MTPN: variants seen among roughly 807,000 people sequenced by gnomAD.
MTPN encodes the protein granule cell differentiation protein.
Under a neutral mutation model 13.5 loss-of-function variants are expected in MTPN, and 2 were observed. The observed-to-expected ratio is 0.15, with a 90% CI of 0.06 to 0.47. The LOEUF (loss-of-function observed/expected upper bound fraction) is 0.47. Among genes scored for constraint, MTPN ranks in the 20% least tolerant of loss-of-function variants. MTPN has a pLI of 0.97. For missense variants in MTPN, 79 were observed against 137.9 expected (o/e 0.57, Z 2.14); for synonymous variants, 46 against 51.7 (o/e 0.89, Z 0.48).
intron 3 of MTPN, among the ~76,000 whole-genome samples, chr7:135,944,401 C>T (rs376719756): frequency 2.0e-5 from 3 of 152,002 alleles, no homozygotes; most frequent in South Asian, 2.1e-4. Context: ...TGAGGCCAGG[C>T]GTGGTGGCTC....
In MTPN at chr7:135,972,213, GCACA is replaced by G. The variant is rs1246957773; in HGVS notation, c.72+4812_72+4815del. 3.0e-3 allele frequency among the ~76,000 whole-genome samples: 256 copies of G among 86,474 alleles called. 2 individuals carry two copies. The highest frequency in any genetic ancestry group is 0.011 in the South Asian group (24 of 2,216). The allele number at this position is 86,474 out of a possible 152,430, so 56.7% of individuals were successfully genotyped here. ...CTGATATGGTTATAAATACACACGC[GCACA>G]CGCGCACGCGCGCGCACACACACAC... On this transcript the variant is annotated intron_variant, in intron 1 of 3. Coordinates refer to ENST00000393085, the MANE Select transcript of MTPN (RefSeq NM_145808.4).
chr7:135,975,667 G>A (rs908160969), intron 1 of MTPN, among the ~76,000 whole-genome samples: 8 of 152,140 alleles, frequency 5.3e-5, no homozygotes, highest in African/African-American at 1.9e-4. Context: ...CCAGAGTATT[G>A]CAGTGTCCCA....
chr7:135,928,246 G>T lies in MTPN; in HGVS notation c.*1680C>A, dbSNP rs928345641. On this transcript the variant is annotated 3_prime_UTR_variant, in exon 4 of 4. Coordinates refer to ENST00000393085, the MANE Select transcript of MTPN (RefSeq NM_145808.4). ...GGAAAATTACAGGGTTAGGCTAGTT[G>T]TAAGTGAAAAAGCCACAGGATTAAA... The T allele has an allele frequency of 1.2e-5, 2 of 167,060 alleles. No individual in the cohort carries two copies. The highest frequency in any genetic ancestry group is 2.9e-5 in the Non-Finnish European group (2 of 68,286). The allele number at this position is 167,060 out of a possible 1,614,324, so 10.3% of individuals were successfully genotyped here.
Position 135,927,667 on chromosome 7 carries a change from T to C in MTPN, c.*2259A>G, listed in dbSNP as rs1798943064. On this transcript the variant is annotated 3_prime_UTR_variant, in exon 4 of 4. Coordinates refer to ENST00000393085, the MANE Select transcript of MTPN (RefSeq NM_145808.4). ...ATAACCTAGTTAAAAAAAGAAACTG[T>C]GAACCATCTTGGTCAGTCTATTCTA... 1 of 592,840 alleles carries C rather than the reference T, an allele frequency of 1.7e-6. No individual in the cohort carries two copies. Among genetic ancestry groups the C allele is most frequent in the Non-Finnish European group, 3.2e-6 (1 of 308,664 alleles). The allele number at this position is 592,840 out of a possible 1,614,324, so 36.7% of individuals were successfully genotyped here.
chr7:135,935,763 A>C (rs1300943606), intron 3 of MTPN, among the ~76,000 whole-genome samples: 1 of 152,190 alleles, frequency 6.6e-6, no homozygotes, highest in Non-Finnish European at 1.5e-5. Context: ...GGCTACGCCA[A>C]ACAACGTACT....
At chr7:135,976,655 G>A (rs1799776622) in intron 1 of MTPN, among the ~76,000 whole-genome samples, 1 of 152,028 alleles carries the variant, frequency 6.6e-6, no homozygotes, top group Non-Finnish European at 1.5e-5. Context: ...GTCCAAGATG[G>A]AGAATTACCT....
chr7:135,945,556 A>G (rs1799277111), intron 3 of MTPN, among the ~76,000 whole-genome samples: 1 of 152,296 alleles, frequency 6.6e-6, no homozygotes, highest in East Asian at 1.9e-4. Context: ...CAGGGTCAGG[A>G]TCATCAATAT....
Position 135,927,530 on chromosome 7 carries a change from C to T in MTPN, c.*2396G>A, listed in dbSNP as rs755395055. 19 of 884,842 alleles carry T rather than the reference C, an allele frequency of 2.1e-5. No individual in the cohort carries two copies. Among genetic ancestry groups the T allele is most frequent in the South Asian group, 3.2e-5 (2 of 61,854 alleles). The allele number at this position is 884,842 out of a possible 1,614,324, so 54.8% of individuals were successfully genotyped here. On this transcript the variant is annotated 3_prime_UTR_variant, in exon 4 of 4. Transcript: ENST00000393085. ...GGAGAACAAAACTTACTTAACCTTT[C>T]GCTAATGCATGTAGTACCAGAAAGC...
At chr7:135,937,160 T>C (rs1799127414) in intron 3 of MTPN, among the ~76,000 whole-genome samples, 2 of 152,176 alleles carry the variant, frequency 1.3e-5, no homozygotes, top group Non-Finnish European at 2.9e-5. Flanking sequence ...ATTTTAAGGA[T>C]GAAACTCTCA....
intron 1 of MTPN, 152 bp from the exon 2 acceptor site, chr7:135,951,782 A>G (rs1175754935): frequency 1.8e-6 from 1 of 554,128 alleles, no homozygotes; most frequent in Admixed American, 3.2e-5. Context: ...AAAACTTGAA[A>G]TGAAATTCTG....
intron 3 of MTPN, among the ~76,000 whole-genome samples, chr7:135,938,983 T>C (rs34323880): frequency 0.016 from 2,490 of 152,198 alleles, 31 homozygotes; most frequent in African/African-American, 0.037. Flanking sequence ...AGGCTTTTTT[T>C]CCCCCCACAG....
chr7:135,965,245 T>G (rs1799587697), intron 1 of MTPN, among the ~76,000 whole-genome samples: 1 of 152,142 alleles, frequency 6.6e-6, no homozygotes, highest in South Asian at 2.1e-4. Flanking sequence ...ACATTATTTT[T>G]TAAAACTTGT....
chr7:135,956,720 T>C (rs1799449014), intron 1 of MTPN, among the ~76,000 whole-genome samples: 1 of 152,156 alleles, frequency 6.6e-6, no homozygotes, highest in Non-Finnish European at 1.5e-5. Flanking sequence ...AAACTTCATG[T>C]TTCTTTCTTT....
At chr7:135,960,038 A>G (rs1253223200) in intron 1 of MTPN, among the ~76,000 whole-genome samples, 1 of 152,138 alleles carries the variant, frequency 6.6e-6, no homozygotes, top group Non-Finnish European at 1.5e-5. Context: ...CATTCATGAA[A>G]CATTTACTGA....
chr7:135,967,221 T>C (rs779245037), intron 1 of MTPN, among the ~76,000 whole-genome samples: 7 of 152,042 alleles, frequency 4.6e-5, no homozygotes, highest in Non-Finnish European at 1.0e-4. Flanking sequence ...CAGAAGCCCA[T>C]AAGCTCTCAA....
In MTPN at chr7:135,927,897, T is replaced by C; in HGVS notation, c.*2029A>G. The C allele has an allele frequency of 3.2e-6, 1 of 307,932 alleles. No individual in the cohort carries two copies. The highest frequency in any genetic ancestry group is 6.7e-6 in the Non-Finnish European group (1 of 150,042). 19.1% of individuals were successfully genotyped at this position (307,932 alleles called of 1,614,324 possible). ...AGGAATGATAGGACAATGCACTCTC[T>C]GCAATAGCCAACTACAACAAAACAC... On this transcript the variant is annotated 3_prime_UTR_variant, in exon 4 of 4. Coordinates refer to ENST00000393085, the MANE Select transcript of MTPN (RefSeq NM_145808.4).
At chr7:135,968,412 T>C (rs1443594668) in intron 1 of MTPN, among the ~76,000 whole-genome samples, 2 of 151,828 alleles carry the variant, frequency 1.3e-5, no homozygotes, top group Non-Finnish European at 2.9e-5. Context: ...ACAGCTCCTC[T>C]TTACACTGGT....
chr7:135,957,079 T>C (rs146468781), intron 1 of MTPN, among the ~76,000 whole-genome samples: 75 of 152,372 alleles, frequency 4.9e-4, no homozygotes, highest in Non-Finnish European at 9.8e-4. Context: ...CTGTCAGTTA[T>C]TAAATTCAGA....
At chr7:135,966,409 C>T (rs6959975) in intron 1 of MTPN, among the ~76,000 whole-genome samples, 12,059 of 152,108 alleles carry the variant, frequency 0.079, 538 homozygotes, top group South Asian at 0.15. Flanking sequence ...ACTCCCTGCA[C>T]CATGAGAGTA....
Sources: gnomAD v4.1 joint callset for allele counts (sites outside exome capture counted in the v4.1 genomes callset) on GRCh38, gnomAD v4.1.1 for gene constraint, MANE v1.5 for transcripts, NCBI Gene and HGNC (gene_info 2026-07-23, HGNC 2026-07-21) for gene names.